Variants in OTOF observed in about 807,000 individuals in gnomAD.
OTOF encodes the protein otoferlin, also known as fer-1-like family member 2.
OTOF carries 218 observed loss-of-function variants against 236.8 expected under a neutral mutation model. The ratio of observed to expected loss-of-function variants is 0.92; its 90% confidence interval spans 0.82 to 1.03. OTOF has a LOEUF of 1.03. Ranked by LOEUF, OTOF falls within the 50% of genes least tolerant of loss-of-function variation. The pLI is 0.00. For missense variants in OTOF, 2,590 were observed against 2,694.4 expected, an observed-to-expected ratio of 0.96 and a Z score of 0.86; for synonymous variants, 1,041 against 1,072.5, an observed-to-expected ratio of 0.97 and a Z score of 0.57.
At chr2:26,527,963 G>T in intron 2 of OTOF, 43 bp from the exon 3 acceptor site, 1 of 1,398,260 alleles carries the variant, frequency 7.2e-7, no homozygotes, top group Non-Finnish European at 1.0e-6. Flanking sequence ...GCAATAACAG[G>T]TAGGAGCCGT....
At chr2:26,458,722 G>A (rs1342495329) in intron 46 of OTOF, among the ~76,000 whole-genome samples, 1 of 152,198 alleles carries the variant, frequency 6.6e-6, no homozygotes, top group Non-Finnish European at 1.5e-5. Context: ...CCTCCCAGCC[G>A]AGAAGCACCT....
intron 12 of OTOF, 57 bp from the exon 13 acceptor site, chr2:26,483,705 C>A (rs1011901974): frequency 2.0e-6 from 3 of 1,514,138 alleles, no homozygotes; most frequent in Admixed American, 3.5e-5. Flanking sequence ...CAACCCCCAT[C>A]CTGGCATCTA....
intron 1 of OTOF, among the ~76,000 whole-genome samples, chr2:26,541,855 C>T (rs1285684647): frequency 3.9e-5 from 6 of 152,156 alleles, no homozygotes; most frequent in South Asian, 2.1e-4. Flanking sequence ...TGTTGTGGAT[C>T]GAGTGAGAAG....
Position 26,460,600 on chromosome 2 carries a change from C to G in OTOF, c.5813+47G>C, listed in dbSNP as rs773622471. 6.9e-7 allele frequency: 1 copy of G among 1,449,168 alleles called. No homozygotes were observed. The highest frequency in any genetic ancestry group is 9.7e-7 in the Non-Finnish European group (1 of 1,032,008). The allele number at this position is 1,449,168 out of a possible 1,614,324, so 89.8% of individuals were successfully genotyped here. A position where few individuals can be genotyped will look rare whatever the true frequency, so the allele number is the denominator to read the frequency against. On this transcript the variant is annotated intron_variant, in intron 45 of 46. Coordinates refer to ENST00000272371, the MANE Select transcript of OTOF (RefSeq NM_194248.3). The surrounding 1 kb of genome is among the most constrained non-coding windows in gnomAD (Gnocchi z 5.3). ...GGATCGTCTCCTTCCTGTTCCAGCG[C>G]CTCCAAGAGCCAGAGTGGGGAGGGG...
At chr2:26,517,935 TCTC>T (rs1666576593) in intron 4 of OTOF, among the ~76,000 whole-genome samples, 1 of 152,162 alleles carries the variant, frequency 6.6e-6, no homozygotes, top group African/African-American at 2.4e-5. Context: ...GTTTCTGTGT[TCTC>T]CTCCCAGCCC....
At chr2:26,525,444 A>T (rs1055549548) in intron 3 of OTOF, among the ~76,000 whole-genome samples, 7 of 152,170 alleles carry the variant, frequency 4.6e-5, no homozygotes, top group African/African-American at 1.7e-4. Context: ...GCTATCTTTC[A>T]GTTGTCTGCT....
At chr2:26,547,818 G>T (rs1182027019) in intron 1 of OTOF, among the ~76,000 whole-genome samples, 4 of 152,182 alleles carry the variant, frequency 2.6e-5, no homozygotes, top group Non-Finnish European at 5.9e-5. Flanking sequence ...TCCAGCCTGG[G>T]TGACAGTGCG....
At chr2:26,533,387 A>C (rs1456561210) in intron 2 of OTOF, among the ~76,000 whole-genome samples, 1 of 152,038 alleles carries the variant, frequency 6.6e-6, no homozygotes, top group East Asian at 1.9e-4. Flanking sequence ...GAGTGTGGCT[A>C]TTTCACTTTC....
At position 26,557,198 on chromosome 2, in the gene OTOF, G is replaced by A. The variant is rs115143961; in HGVS notation, c.79+1295C>T. ...CTCTTGCTGGAATGTTCTGCCAATGGTCTCTCCCATCCCTTCCAACAGAGG... is the reference window on the plus strand; with the variant it reads ...CTCTTGCTGGAATGTTCTGCCAATGATCTCTCCCATCCCTTCCAACAGAGG... On this transcript the variant is annotated intron_variant, in intron 1 of 46. Coordinates refer to ENST00000272371, the MANE Select transcript of OTOF (RefSeq NM_194248.3). 5.3e-3 allele frequency among the ~76,000 whole-genome samples: 809 copies of A among 152,298 alleles called. 6 individuals are homozygous for A. Among genetic ancestry groups the A allele is most frequent in the African/African-American group, 0.018 (745 of 41,560 alleles).
chr2:26,499,426 G>A (rs991216009), intron 8 of OTOF, among the ~76,000 whole-genome samples: 4 of 152,214 alleles, frequency 2.6e-5, no homozygotes, highest in Middle Eastern at 3.4e-3. Context: ...TCCTTCCTGC[G>A]GTCTTTATAT....
intron 46 of OTOF, among the ~76,000 whole-genome samples, chr2:26,459,042 C>T (rs1664325421): frequency 6.6e-6 from 1 of 152,202 alleles, no homozygotes; most frequent in South Asian, 2.1e-4. Context: ...TGAGCCAGTG[C>T]CTGGGGAGCT....
chr2:26,479,410 A>G (rs1665458880), intron 17 of OTOF, 26 bp from the exon 18 acceptor site: 2 of 1,609,446 alleles, frequency 1.2e-6, no homozygotes, highest in South Asian at 1.1e-5. Flanking sequence ...GCGGGAGGTG[A>G]GGTCTTGGGG....
At chr2:26,529,727 G>C (rs1666895396) in intron 2 of OTOF, among the ~76,000 whole-genome samples, 1 of 151,198 alleles carries the variant, frequency 6.6e-6, no homozygotes, top group Admixed American at 6.6e-5. Flanking sequence ...CTCCCTTCAG[G>C]ACTGGCAAGG....
At position 26,495,073 on chromosome 2, in the gene OTOF, C is replaced by G; in HGVS notation, c.766G>C (p.Val256Leu). ...PSAGRPMDYQ[V>L]SITVIEARQL... ...CGGGCCTCGATCACCGTGATGCTGACCTGCAGGCAGGAGAAGGGGGAGCCA... is the reference window on the plus strand; with the variant it reads ...CGGGCCTCGATCACCGTGATGCTGAGCTGCAGGCAGGAGAAGGGGGAGCCA... The change falls in exon 9 of 47, where the codon GTC becomes CTC. Residue 256 changes from valine (V) to leucine (L), a missense_variant and splice_region_variant. By Grantham distance (32) the Val-to-Leu change is conservative. Around this residue, in one of 2 missense-constraint regions of OTOF, gnomAD observed 1,379 missense variants for 1,341.6 expected, o/e 1.03. Transcript: ENST00000272371. 1 of 1,614,128 alleles carries G rather than the reference C, an allele frequency of 6.2e-7. No homozygotes were observed. The highest frequency in any genetic ancestry group is 8.5e-7 in the Non-Finnish European group (1 of 1,180,006).
Position 26,476,212 on chromosome 2 carries a change from C to T in OTOF, c.2782G>A (p.Gly928Ser), listed in dbSNP as rs747952633. Residue 928 changes from glycine to serine, a missense_variant, in exon 23 of 47, where the codon GGC (glycine) becomes AGC (serine). Around this residue, in one of 2 missense-constraint regions of OTOF, gnomAD observed 1,379 missense variants for 1,341.6 expected, o/e 1.03. Coordinates refer to ENST00000272371, the MANE Select transcript of OTOF (RefSeq NM_194248.3). Reference protein sequence around the residue: ...LSKQRKEFLCGLPCGFQEVKA... With the variant: ...LSKQRKEFLCSLPCGFQEVKA... ...ACCTCCTGGAAGCCACAGGGCAGGC[C>T]GCACAGGAACTCCTTGCGCTGTTTG... is the stretch of plus-strand genomic sequence containing the variant. 24 of 1,609,806 alleles carry T rather than the reference C, an allele frequency of 1.5e-5. No individual in the cohort carries two copies. Among genetic ancestry groups the T allele is most frequent in the Non-Finnish European group, 1.8e-5 (21 of 1,179,850 alleles).
intron 41 of OTOF, among the ~76,000 whole-genome samples, chr2:26,463,139 A>G (rs1461205162): frequency 6.6e-6 from 1 of 151,982 alleles, no homozygotes; most frequent in East Asian, 1.9e-4. Context: ...TGGGAGTGCT[A>G]TGCTGTGTGT....
chr2:26,474,866 G>C (rs1665177496), intron 25 of OTOF, among the ~76,000 whole-genome samples, 192 bp from the exon 26 acceptor site: 1 of 152,096 alleles, frequency 6.6e-6, no homozygotes, highest in South Asian at 2.1e-4. Context: ...AATGGCAGAT[G>C]CCCGGCTCAG....
chr2:26,462,114 CT>C lies in OTOF; in HGVS notation c.5259del (p.Glu1755ArgfsTer8). On this transcript the variant is annotated frameshift_variant, in exon 42 of 47. Transcript: ENST00000272371. LOFTEE classifies it high-confidence loss of function. This position sits in a 1 kb window ranked among gnomAD's most constrained non-coding sequence, Gnocchi z 4.7. Reference sequence around the variant, plus strand: ...ACGAAGATGTCACTGGACTTCTCCCCTGTGAAGAAGTCGTCGTCCTCCAAGA... The same window carrying C: ...ACGAAGATGTCACTGGACTTCTCCCCGTGAAGAAGTCGTCGTCCTCCAAGA... ...EVVLEDDDFF[T>X]GEKSSDIFVR... 6.2e-7 allele frequency: 1 copy of C among 1,614,044 alleles called. No individual in the cohort carries two copies. The highest frequency in any genetic ancestry group is 8.5e-7 in the Non-Finnish European group (1 of 1,180,002).
chr2:26,483,360 C>G, intron 13 of OTOF, 102 bp downstream of exon 13: 2 of 1,091,048 alleles, frequency 1.8e-6, no homozygotes, highest in South Asian at 2.5e-5. Flanking sequence ...TGATTTCCAG[C>G]CTTGTCTTAC....
Sources: allele counts gnomAD v4.1 joint callset (sites outside exome capture counted in the v4.1 genomes callset), GRCh38; gene constraint gnomAD v4.1.1; regional missense constraint gnomAD v4.1.1; non-coding constraint Gnocchi (gnomAD v3.1); transcripts MANE v1.5; gene names NCBI Gene and HGNC (gene_info 2026-07-23, HGNC 2026-07-21).